Variants in SPTY2D1 observed in about 807,000 individuals in gnomAD.
The protein encoded by SPTY2D1 is SPT2 chromatin protein domain containing 1.
A neutral mutation model predicts 64.0 loss-of-function variants in SPTY2D1; 21 were observed. The observed-to-expected ratio is 0.33, with a 90% CI of 0.23 to 0.47. The LOEUF is 0.47. Ranked by LOEUF, SPTY2D1 falls within the 20% of genes least tolerant of loss-of-function variation. The pLI, the probability that SPTY2D1 is intolerant of heterozygous loss-of-function variation, is 1.00. For missense variants in SPTY2D1, 724 were observed against 837.2 expected (o/e 0.86, Z 1.67); for synonymous variants, 287 against 286.8 (o/e 1.00, Z -0.01).
At chr11:18,617,375 T>C (rs1392552636) in intron 1 of SPTY2D1, among the ~76,000 whole-genome samples, 1 of 151,944 alleles carries the variant, frequency 6.6e-6, no homozygotes, top group Non-Finnish European at 1.5e-5. Flanking sequence ...GCCTGTAATC[T>C]CAGCACTTTG....
At position 18,627,434 on chromosome 11, in the gene SPTY2D1, A is replaced by AAAC. The variant is rs954360744; in HGVS notation, c.60+6761_60+6763dup. 2.6e-3 allele frequency among the ~76,000 whole-genome samples: 388 copies of AAAC among 151,116 alleles called. 2 individuals are homozygous for AAAC. The highest frequency in any genetic ancestry group is 8.6e-3 in the African/African-American group (354 of 41,120). On this transcript the variant is annotated intron_variant, in intron 1 of 5. Transcript: ENST00000336349. ...TGACAGAGCAAGACTCCATCTCCAA[A>AAAC]AACAACAACAACAACAAAAAACCCT...
intron 1 of SPTY2D1, among the ~76,000 whole-genome samples, chr11:18,630,745 CAATT>C (rs1343162528): frequency 6.6e-6 from 1 of 152,114 alleles, no homozygotes; most frequent in African/African-American, 2.4e-5. Flanking sequence ...GTTCTCAGAT[CAATT>C]AATCAAGTAA....
chr11:18,617,027 C>T (rs1854310487), intron 1 of SPTY2D1, 38 bp from the exon 2 acceptor site: 3 of 1,568,100 alleles, frequency 1.9e-6, no homozygotes, highest in Admixed American at 1.7e-5. Context: ...AGCAATTCAA[C>T]TTTTAAAATA....
chr11:18,632,705 G>A (rs931448809), intron 1 of SPTY2D1, among the ~76,000 whole-genome samples: 3 of 152,046 alleles, frequency 2.0e-5, no homozygotes, highest in Admixed American at 2.0e-4. Context: ...TCCAATCATA[G>A]ATAATGCATA....
At chr11:18,629,903 G>A (rs1854558689) in intron 1 of SPTY2D1, among the ~76,000 whole-genome samples, 1 of 152,220 alleles carries the variant, frequency 6.6e-6, no homozygotes, top group Non-Finnish European at 1.5e-5. Flanking sequence ...GGGCACGGTG[G>A]CTCACGCCTG....
intron 1 of SPTY2D1, among the ~76,000 whole-genome samples, chr11:18,622,103 A>AAAAAAAAAAAAAAC (rs1565161248): frequency 6.8e-6 from 1 of 147,954 alleles, no homozygotes; most frequent in African/African-American, 2.5e-5. Context: ...AAAAAAAAAA[A>AAAAAAAAAAAAAAC]ACCAAAACCA....
At chr11:18,629,138 G>A (rs959705401) in intron 1 of SPTY2D1, among the ~76,000 whole-genome samples, 2 of 152,128 alleles carry the variant, frequency 1.3e-5, no homozygotes, top group Admixed American at 6.6e-5. Context: ...AGCTTTTCTG[G>A]TTGTTTTTCA....
intron 1 of SPTY2D1, among the ~76,000 whole-genome samples, chr11:18,622,764 G>A (rs555151649): frequency 8.0e-4 from 121 of 151,984 alleles, no homozygotes; most frequent in African/African-American, 2.8e-3. Flanking sequence ...CCAGCCTGAT[G>A]AACATGATGA....
intron 1 of SPTY2D1, among the ~76,000 whole-genome samples, chr11:18,617,264 C>CA (rs1440486248): frequency 1.3e-5 from 2 of 151,894 alleles, no homozygotes; most frequent in Non-Finnish European, 2.9e-5. Flanking sequence ...GGCTATTTTC[C>CA]AAAAAAGAAC....
chr11:18,610,451 C>G (rs1428758329), intron 5 of SPTY2D1, among the ~76,000 whole-genome samples: 1 of 152,002 alleles, frequency 6.6e-6, no homozygotes. Context: ...CACCTGAGGT[C>G]AGGAGTTTGA....
intron 1 of SPTY2D1, among the ~76,000 whole-genome samples, chr11:18,626,040 G>A (rs886737984): frequency 2.0e-5 from 3 of 151,936 alleles, no homozygotes; most frequent in Non-Finnish European, 4.4e-5. Flanking sequence ...GGTTGGTCTC[G>A]AACGCCTGAC....
intron 1 of SPTY2D1, among the ~76,000 whole-genome samples, chr11:18,633,527 T>C (rs1854621906): frequency 6.6e-6 from 1 of 152,234 alleles, no homozygotes; most frequent in South Asian, 2.1e-4. Flanking sequence ...ACTGACCAAA[T>C]GGGACCTAGA....
At chr11:18,617,373 T>A (rs934455737) in intron 1 of SPTY2D1, among the ~76,000 whole-genome samples, 1 of 152,082 alleles carries the variant, frequency 6.6e-6, no homozygotes. Context: ...ATGCCTGTAA[T>A]CTCAGCACTT....
rs1285545937 is a variant in SPTY2D1, at chr11:18,612,322, G to A, written c.1878C>T (p.Asp626=). The A allele has an allele frequency of 5.0e-6, 8 of 1,586,470 alleles. No individual in the cohort carries two copies. Among genetic ancestry groups the A allele is most frequent in the Admixed American group, 1.9e-5 (1 of 53,784 alleles). Residue 626 remains aspartate (D), a synonymous_variant, in exon 4 of 6, where the codon GAC becomes GAT. Coordinates refer to ENST00000336349, the MANE Select transcript of SPTY2D1 (RefSeq NM_194285.3). The surrounding 1 kb of genome is among the most constrained non-coding windows in gnomAD (Gnocchi z 4.6). ...SKHIREIFGY[D]RKKYKDESDY... ...ATCTTCTTTAGTCTTACTTTTTTCG[G>A]TCATAACCAAAGATTTCTCTAATGT...
Position 18,612,225 on chromosome 11 carries a change from G to A in SPTY2D1, c.1886+89C>T, listed in dbSNP as rs925341603. ...TTCCTAATTAAGAATTGTATTCAGT[G>A]CCTCCACTATTAGTTTATTACCCCA... On this transcript the variant is annotated intron_variant, in intron 4 of 5. Coordinates refer to ENST00000336349, the MANE Select transcript of SPTY2D1 (RefSeq NM_194285.3). This position sits in a 1 kb window ranked among gnomAD's most constrained non-coding sequence, Gnocchi z 4.6. 4.9e-6 allele frequency: 5 copies of A among 1,019,750 alleles called. No individual in the cohort carries two copies. The Admixed American group carries it at 8.1e-5, about 16-fold the overall frequency. The allele number at this position is 1,019,750 out of a possible 1,614,324, so 63.2% of individuals were successfully genotyped here.
rs368567232 is a variant in SPTY2D1 at position 18,631,799 on chromosome 11, A to G, written c.60+2399T>C. 3.3e-5 allele frequency among the ~76,000 whole-genome samples: 5 copies of G among 152,180 alleles called. No individual in the cohort carries two copies. The East Asian group carries it at 9.6e-4, about 29-fold the overall frequency. On this transcript the variant is annotated intron_variant, in intron 1 of 5. Transcript: ENST00000336349. ...AGTGTCCAAATTACTTTAAGCTGATAAGGAAAAAGTAAATAGAACAGTTAG... is the reference window on the plus strand; with the variant it reads ...AGTGTCCAAATTACTTTAAGCTGATGAGGAAAAAGTAAATAGAACAGTTAG...
At position 18,629,433 on chromosome 11, in the gene SPTY2D1, G is replaced by A. The variant is rs564460541; in HGVS notation, c.60+4765C>T. 1.2e-4 allele frequency among the ~76,000 whole-genome samples: 18 copies of A among 152,252 alleles called. 1 individual carries two copies. The highest frequency in any genetic ancestry group is 3.1e-4 in the African/African-American group (13 of 41,546). ...GCAGGAGAATCGCTTGACCCCGGGT[G>A]GCAGAGGTTGCAGTGAGCCCAGATC... is the stretch of plus-strand genomic sequence containing the variant. On this transcript the variant is annotated intron_variant, in intron 1 of 5. Coordinates refer to ENST00000336349, the MANE Select transcript of SPTY2D1 (RefSeq NM_194285.3).
intron 5 of SPTY2D1, among the ~76,000 whole-genome samples, chr11:18,610,427 C>T (rs1286067596): frequency 3.3e-5 from 5 of 151,882 alleles, no homozygotes; most frequent in East Asian, 1.9e-4. Context: ...TTTAGGAAGC[C>T]GAGCCAGGCG....
chr11:18,617,050 T>C, intron 1 of SPTY2D1, 61 bp from the exon 2 acceptor site: 1 of 1,381,408 alleles, frequency 7.2e-7, no homozygotes, highest in Non-Finnish European at 1.0e-6. Context: ...TTATTAGGTA[T>C]AAGGCACTGT....
Sources: allele counts gnomAD v4.1 joint callset (sites outside exome capture counted in the v4.1 genomes callset), GRCh38; gene constraint gnomAD v4.1.1; non-coding constraint Gnocchi (gnomAD v3.1); transcripts MANE v1.5; gene names NCBI Gene and HGNC (gene_info 2026-07-23, HGNC 2026-07-21).